Variants in NR1I2 observed in about 807,000 individuals in gnomAD.
NR1I2 encodes nuclear receptor subfamily 1 group I member 2.
In NR1I2, 42 loss-of-function variants were observed where a neutral mutation model predicts 43.3. The ratio of observed to expected loss-of-function variants is 0.97; its 90% confidence interval spans 0.76 to 1.26. NR1I2 has a LOEUF of 1.26. NR1I2 is among the 50% of genes most tolerant of loss of function. NR1I2 has a pLI of 0.00. For synonymous variants in NR1I2, 229 were observed against 215.0 expected, an observed-to-expected ratio of 1.06 and a Z score of -0.57; for missense variants, 559 against 566.7, an observed-to-expected ratio of 0.99 and a Z score of 0.14.
At chr3:119,798,083 G>T in intron 1 of NR1I2, among the ~76,000 whole-genome samples, 1 of 151,790 alleles carries the variant, frequency 6.6e-6, no homozygotes, top group East Asian at 1.9e-4. Context: ...TCCTTTCATT[G>T]GTTTCAAAAA....
At position 119,817,681 on chromosome 3, in the gene NR1I2, C is replaced by G. The variant is rs1266478721; in HGVS notation, c.*469C>G. The G allele has an allele frequency of 3.6e-6, 4 of 1,112,798 alleles. No individual in the cohort carries two copies. In the East Asian group the frequency reaches 2.6e-4, roughly 73 times the overall value. 68.9% of individuals were successfully genotyped at this position (1,112,798 alleles called of 1,614,324 possible). A position where few individuals can be genotyped will look rare whatever the true frequency, so the allele number is the denominator to read the frequency against. ...TCCTGTCTCCCACTTCCCACTCGTTCCCCTCCTCTTCCGAGCTGCTTTGTG... is the reference window on the plus strand; with the variant it reads ...TCCTGTCTCCCACTTCCCACTCGTTGCCCTCCTCTTCCGAGCTGCTTTGTG... On this transcript the variant is annotated 3_prime_UTR_variant, in exon 9 of 9. Coordinates refer to ENST00000393716, the MANE Select transcript of NR1I2 (RefSeq NM_003889.4).
chr3:119,802,208 T>C (rs13059232), intron 1 of NR1I2, among the ~76,000 whole-genome samples: 89,859 of 151,970 alleles, frequency 0.59, 26,962 homozygotes, highest in Middle Eastern at 0.69. Context: ...GAAGGAACTA[T>C]AGAATGTGCC....
At position 119,817,621 on chromosome 3, in the gene NR1I2, C is replaced by T. The variant is rs1343092634; in HGVS notation, c.*409C>T. 11 of 1,146,480 alleles carry T rather than the reference C, an allele frequency of 9.6e-6. No homozygotes were observed. Among genetic ancestry groups the T allele is most frequent in the East Asian group, 6.2e-5 (1 of 16,232 alleles). The allele number at this position is 1,146,480 out of a possible 1,614,324, so 71.0% of individuals were successfully genotyped here. A position where few individuals can be genotyped will look rare whatever the true frequency, so the allele number is the denominator to read the frequency against. On this transcript the variant is annotated 3_prime_UTR_variant, in exon 9 of 9. Transcript: ENST00000393716. The stretch of plus-strand genomic sequence containing the variant: ...CTATGCCCACATACCCACGTTTGTT[C>T]GCTTCCTGAGTCTTTTCATTGCTAC...
At chr3:119,797,829 A>C (rs1264744566) in intron 1 of NR1I2, among the ~76,000 whole-genome samples, 13 of 152,198 alleles carry the variant, frequency 8.5e-5, no homozygotes, top group Admixed American at 6.5e-4. Context: ...TCTTTGTCTG[A>C]AAATGTCTTT....
intron 1 of NR1I2, among the ~76,000 whole-genome samples, chr3:119,786,686 C>T (rs2054847472): frequency 6.6e-6 from 1 of 152,198 alleles, no homozygotes; most frequent in Non-Finnish European, 1.5e-5. Flanking sequence ...GTCTAGTAAC[C>T]TTCTGACCTC....
chr3:119,815,712 TC>T lies in NR1I2; in HGVS notation c.1055-11del. The T allele has an allele frequency of 6.2e-7, 1 of 1,604,526 alleles. No individual in the cohort carries two copies. The highest frequency in any genetic ancestry group is 8.5e-7 in the Non-Finnish European group (1 of 1,173,706). ...TTGCCCCATGATCTTGCACCACACC[TC>T]CCTCCCCTCCAGACCGCCCAGGTGT... On this transcript the variant is annotated splice_polypyrimidine_tract_variant and intron_variant, in intron 7 of 8. Coordinates refer to ENST00000393716, the MANE Select transcript of NR1I2 (RefSeq NM_003889.4).
chr3:119,786,110 G>T (rs1291655690), intron 1 of NR1I2, among the ~76,000 whole-genome samples: 3 of 152,196 alleles, frequency 2.0e-5, no homozygotes, highest in Non-Finnish European at 4.4e-5. Flanking sequence ...AAGCAGAGAT[G>T]ATCCAATAGC....
chr3:119,804,601 C>A (rs2055126353), intron 1 of NR1I2, among the ~76,000 whole-genome samples: 1 of 151,808 alleles, frequency 6.6e-6, no homozygotes, highest in Admixed American at 6.6e-5. Context: ...CCCGCCACCA[C>A]TTCCGGCTAA....
intron 1 of NR1I2, among the ~76,000 whole-genome samples, chr3:119,792,891 C>T (rs1475764484): frequency 2.0e-5 from 3 of 150,156 alleles, no homozygotes; most frequent in Non-Finnish European, 4.4e-5. Flanking sequence ...AAAAAACAAA[C>T]AAAAAAAAAG....
At chr3:119,791,990 C>A in intron 1 of NR1I2, 1 of 699,974 alleles carries the variant, frequency 1.4e-6, no homozygotes, top group East Asian at 2.7e-5. Flanking sequence ...CTCACTTTCT[C>A]ATACCATGGG....
chr3:119,807,194 A>G, intron 1 of NR1I2, 35 bp from the exon 2 acceptor site: 1 of 1,579,114 alleles, frequency 6.3e-7, no homozygotes, highest in Non-Finnish European at 8.7e-7. Flanking sequence ...ATCCCTGTCC[A>G]GTCTTTTCAT....
intron 1 of NR1I2, among the ~76,000 whole-genome samples, chr3:119,783,099 C>T (rs936720659): frequency 6.6e-6 from 1 of 151,892 alleles, no homozygotes; most frequent in Non-Finnish European, 1.5e-5. Flanking sequence ...CCCACATGGC[C>T]TCTAATGATA....
At chr3:119,800,474 G>T (rs753290271) in intron 1 of NR1I2, among the ~76,000 whole-genome samples, 1 of 152,108 alleles carries the variant, frequency 6.6e-6, no homozygotes, top group Non-Finnish European at 1.5e-5. Context: ...TGGCTATTAT[G>T]GGTCTTTTAC....
chr3:119,789,533 CA>C (rs952466291), intron 1 of NR1I2, among the ~76,000 whole-genome samples: 3 of 152,230 alleles, frequency 2.0e-5, no homozygotes, highest in Admixed American at 2.0e-4. Flanking sequence ...GAACCGCCCC[CA>C]TGATTCAATT....
chr3:119,811,904 C>T (rs1223832940), intron 4 of NR1I2, among the ~76,000 whole-genome samples, 178 bp downstream of exon 4: 1 of 152,124 alleles, frequency 6.6e-6, no homozygotes, highest in Non-Finnish European at 1.5e-5. Context: ...GTCTCATTCC[C>T]AAAGGTTCTG....
chr3:119,813,528 C>T (rs1221299290), intron 5 of NR1I2, among the ~76,000 whole-genome samples: 2 of 152,042 alleles, frequency 1.3e-5, no homozygotes, highest in Admixed American at 6.5e-5. Flanking sequence ...TGTGTGCAGT[C>T]GTAGGATTAG....
At position 119,810,155 on chromosome 3, in the gene NR1I2, CG is replaced by C; in HGVS notation, c.293del (p.Arg98ProfsTer10). 6.2e-7 allele frequency: 1 copy of C among 1,612,680 alleles called. No individual in the cohort carries two copies. The highest frequency in any genetic ancestry group is 8.5e-7 in the Non-Finnish European group (1 of 1,179,626). On this transcript the variant is annotated frameshift_variant, in exon 3 of 9. Coordinates refer to ENST00000393716, the MANE Select transcript of NR1I2 (RefSeq NM_003889.4). LOFTEE classifies it high-confidence loss of function. ...GACCCGGCGACAGTGCCAGGCCTGC[CG>C]CCTGCGCAAGTGCCTGGAGAGCGGC...
chr3:119,801,757 C>A (rs529518877), intron 1 of NR1I2, among the ~76,000 whole-genome samples: 30 of 152,296 alleles, frequency 2.0e-4, no homozygotes, highest in African/African-American at 6.7e-4. Context: ...GGACCTTGGC[C>A]AAGGCTGCAG....
chr3:119,790,032 C>T (rs1353497798), intron 1 of NR1I2, among the ~76,000 whole-genome samples: 2 of 152,130 alleles, frequency 1.3e-5, no homozygotes, highest in African/African-American at 4.8e-5. Context: ...TGCAGCCAAT[C>T]TCCAGAGGTT....
Sources: allele counts gnomAD v4.1 joint callset (sites outside exome capture counted in the v4.1 genomes callset), GRCh38; gene constraint gnomAD v4.1.1; transcripts MANE v1.5; gene names NCBI Gene and HGNC (gene_info 2026-07-23, HGNC 2026-07-21).